FER: variants seen among roughly 807,000 people sequenced by gnomAD.
The protein encoded by FER is FER tyrosine kinase.
Under a neutral mutation model 111.0 loss-of-function variants are expected in FER, and 63 were observed. The ratio of observed to expected loss-of-function variants is 0.57; its 90% CI spans 0.46 to 0.70. FER has a LOEUF of 0.70. Ranked by LOEUF, FER falls within the 30% of genes least tolerant of loss-of-function variation. The pLI is 0.00. For missense variants in FER, 914 were observed against 954.0 expected, an observed-to-expected ratio of 0.96 and a Z score of 0.55; for synonymous variants, 327 against 313.9, an observed-to-expected ratio of 1.04 and a Z score of -0.44.
At chr5:108,908,316 A>G (rs575688853) in intron 10 of FER, among the ~76,000 whole-genome samples, 4 of 152,282 alleles carry the variant, frequency 2.6e-5, no homozygotes, top group African/African-American at 7.2e-5. Flanking sequence ...CTTCCCTTAC[A>G]TTGCTATAAC....
At chr5:109,100,656 C>T (rs1400016534) in intron 17 of FER, 137 bp downstream of exon 17, 1 of 850,944 alleles carries the variant, frequency 1.2e-6, no homozygotes, top group Non-Finnish European at 1.8e-6. Flanking sequence ...GTGAAAGTGT[C>T]CTCTGCTAGT....
intron 5 of FER, among the ~76,000 whole-genome samples, chr5:108,846,734 C>T (rs887287457): frequency 3.1e-4 from 47 of 152,186 alleles, no homozygotes; most frequent in African/African-American, 1.0e-3. Flanking sequence ...AGGCACCTGC[C>T]ACCACGCCCG....
At chr5:108,822,890 A>G (rs1054635033) in intron 3 of FER, among the ~76,000 whole-genome samples, 2 of 151,692 alleles carry the variant, frequency 1.3e-5, no homozygotes, top group Non-Finnish European at 2.9e-5. Flanking sequence ...CTTGGGTTCA[A>G]GTGATTCTCC....
rs115926884 is a variant in FER at position 109,171,544 on chromosome 5, C to T, written c.2049-9203C>T. Among the ~76,000 whole-genome samples, 1,143 of 152,258 alleles carry T rather than the reference C, an allele frequency of 7.5e-3. 15 individuals carry two copies. The highest frequency in any genetic ancestry group is 0.026 in the African/African-American group (1,078 of 41,546). On this transcript the variant is annotated intron_variant, in intron 17 of 19. Coordinates refer to ENST00000281092, the MANE Select transcript of FER (RefSeq NM_005246.4). ...CAATAAATGACAGCCATTATCATGA[C>T]GGCTATTCAGTAAGAAGTGGTTTTG...
At chr5:108,986,294 C>CTT (rs371003422) in intron 13 of FER, among the ~76,000 whole-genome samples, 14 of 142,094 alleles carry the variant, frequency 9.9e-5, no homozygotes, top group Middle Eastern at 3.7e-3. Context: ...TTTTTCTTCT[C>CTT]TTTTTTTTTT....
chr5:109,038,836 CG>C (rs1229343817), intron 14 of FER, among the ~76,000 whole-genome samples: 1 of 151,528 alleles, frequency 6.6e-6, no homozygotes, highest in African/African-American at 2.4e-5. Context: ...TTTAGTACTA[CG>C]AAAAAAATAT....
chr5:109,002,643 A>C (rs989208002), intron 13 of FER, among the ~76,000 whole-genome samples: 2 of 152,170 alleles, frequency 1.3e-5, no homozygotes, highest in Non-Finnish European at 2.9e-5. Context: ...GAAACTAAAA[A>C]CTTCTGCACA....
At position 109,193,595 on chromosome 5, in the gene FER, G is replaced by A. The variant is rs1582477992; in HGVS notation, c.*6020G>A. 2 of 152,088 alleles carry A rather than the reference G, an allele frequency of 1.3e-5. No individual in the cohort carries two copies. Among genetic ancestry groups the A allele is most frequent in the South Asian group, 2.1e-4 (1 of 4,832 alleles). 9.4% of individuals were successfully genotyped at this position (152,088 alleles called of 1,614,324 possible). On this transcript the variant is annotated 3_prime_UTR_variant, in exon 20 of 20. Coordinates refer to ENST00000281092, the MANE Select transcript of FER (RefSeq NM_005246.4). ...GCTGGAAGTGGAATGTTATGTTTTC[G>A]CTCAGCTGTATTCATTCAGAAAGTT...
intron 17 of FER, among the ~76,000 whole-genome samples, chr5:109,173,763 C>T (rs530218246): frequency 6.8e-6 from 1 of 147,012 alleles, no homozygotes; most frequent in African/African-American, 2.6e-5. Context: ...ACCTCCCCCC[C>T]CCCCACAAGT....
At chr5:109,123,505 A>G (rs1751279902) in intron 17 of FER, among the ~76,000 whole-genome samples, 1 of 151,572 alleles carries the variant, frequency 6.6e-6, no homozygotes, top group Non-Finnish European at 1.5e-5. Context: ...TTCTGGTGCT[A>G]TATTTTAATT....
chr5:109,017,717 G>A (rs998057431), intron 13 of FER, among the ~76,000 whole-genome samples: 8 of 151,758 alleles, frequency 5.3e-5, no homozygotes. Flanking sequence ...TATTTAATTT[G>A]TTTATTTGCT....
chr5:109,092,338 A>G (rs1746914389), intron 16 of FER, among the ~76,000 whole-genome samples: 1 of 151,326 alleles, frequency 6.6e-6, no homozygotes, highest in South Asian at 2.1e-4. Context: ...CAACCTAAAG[A>G]ATGAGAGAAA....
chr5:108,754,395 A>T (rs1186678819), intron 1 of FER, among the ~76,000 whole-genome samples: 1 of 131,688 alleles, frequency 7.6e-6, no homozygotes, highest in African/African-American at 3.0e-5. Context: ...CAACAGAGTG[A>T]GTCCCTGTCT....
chr5:108,837,116 G>T (rs997474769), intron 5 of FER, among the ~76,000 whole-genome samples: 6 of 152,184 alleles, frequency 3.9e-5, no homozygotes, highest in Non-Finnish European at 7.4e-5. Context: ...ACAGGCTTTG[G>T]AGTCAGAGAG....
intron 13 of FER, among the ~76,000 whole-genome samples, chr5:108,988,847 G>T (rs1297437296): frequency 6.6e-6 from 1 of 151,822 alleles, no homozygotes; most frequent in Admixed American, 6.6e-5. Context: ...GTTTGGGTTT[G>T]GTTTCTTCTT....
rs769489576 is a variant in FER, at chr5:108,772,178, C to A, written c.-60+3940C>A. 7.6e-4 allele frequency among the ~76,000 whole-genome samples: 115 copies of A among 152,020 alleles called. 2 individuals are homozygous for A. The highest frequency in any genetic ancestry group is 1.3e-4 in the Non-Finnish European group (9 of 68,006). On this transcript the variant is annotated intron_variant, in intron 2 of 19. Coordinates refer to ENST00000281092, the MANE Select transcript of FER (RefSeq NM_005246.4). The stretch of plus-strand genomic sequence containing the variant: ...TGCAGATCATTCATGGCCTAGTCAC[C>A]TCCTGAGGGCCCCTACTCTTAATAC...
At chr5:109,151,894 A>G (rs1754891530) in intron 17 of FER, among the ~76,000 whole-genome samples, 1 of 152,140 alleles carries the variant, frequency 6.6e-6, no homozygotes, top group Admixed American at 6.6e-5. Context: ...CATTATTTTT[A>G]GCTCCACAAA....
At chr5:108,939,642 A>G (rs1384074312) in intron 10 of FER, among the ~76,000 whole-genome samples, 1 of 152,084 alleles carries the variant, frequency 6.6e-6, no homozygotes, top group Non-Finnish European at 1.5e-5. Context: ...TCTAAAATGC[A>G]TCTCCTGGTT....
At chr5:108,877,957 G>A (rs2150266239) in intron 8 of FER, among the ~76,000 whole-genome samples, 1 of 152,074 alleles carries the variant, frequency 6.6e-6, no homozygotes, top group Admixed American at 6.6e-5. Context: ...CCAGGCTGGA[G>A]TGCAGTGGCG....
Sources: allele counts gnomAD v4.1 joint callset (sites outside exome capture counted in the v4.1 genomes callset), GRCh38; gene constraint gnomAD v4.1.1; transcripts MANE v1.5; gene names NCBI Gene and HGNC (gene_info 2026-07-23, HGNC 2026-07-21).